The following MINDY4 variants were observed in gnomAD, a reference collection of about 807,000 sequenced individuals.
MINDY4 encodes probable ubiquitin carboxyl-terminal hydrolase MINDY-4.
A neutral mutation model predicts 87.0 loss-of-function variants in MINDY4; 68 were observed. That is an observed-to-expected ratio of 0.78 (90% CI 0.64 to 0.96). The LOEUF (loss-of-function observed/expected upper bound fraction) is 0.96, where lower values mean the gene tolerates loss of function less well. Among genes scored for constraint, MINDY4 ranks in the 40% least tolerant of loss-of-function variants. The pLI, the probability that MINDY4 is intolerant of heterozygous loss-of-function variation, is 0.00. For missense variants in MINDY4, 919 were observed against 928.2 expected (o/e 0.99, Z 0.13); for synonymous variants, 379 against 363.2 (o/e 1.04, Z -0.50).
intron 5 of MINDY4, among the ~76,000 whole-genome samples, chr7:30,803,602 C>A (rs1207067243): frequency 6.6e-6 from 1 of 152,016 alleles, no homozygotes; most frequent in African/African-American, 2.4e-5. Flanking sequence ...TTTTGTGTGG[C>A]AGGGGGCAGT....
intron 13 of MINDY4, among the ~76,000 whole-genome samples, chr7:30,866,709 G>A (rs1457268024): frequency 6.6e-6 from 1 of 152,176 alleles, no homozygotes; most frequent in Non-Finnish European, 1.5e-5. Flanking sequence ...AACAAAGCAG[G>A]CAAAGGCCAC....
intron 5 of MINDY4, among the ~76,000 whole-genome samples, chr7:30,797,719 G>A (rs1787532605): frequency 6.6e-6 from 1 of 152,184 alleles, no homozygotes; most frequent in African/African-American, 2.4e-5. Flanking sequence ...GATCTCACTT[G>A]TGTTTTAATA....
intron 6 of MINDY4, among the ~76,000 whole-genome samples, chr7:30,831,771 A>G (rs1010356483): frequency 3.9e-5 from 6 of 152,198 alleles, no homozygotes; most frequent in African/African-American, 1.4e-4. Flanking sequence ...TCCTATGAAC[A>G]TCATTCCCCT....
In MINDY4 at chr7:30,828,186, T is replaced by C. The variant is rs117989474; in HGVS notation, c.1074-493T>C. 8.8e-3 allele frequency among the ~76,000 whole-genome samples: 1,344 copies of C among 152,292 alleles called. 6 individuals are homozygous for C. Among genetic ancestry groups the C allele is most frequent in the Middle Eastern group, 0.031 (9 of 294 alleles). The stretch of plus-strand genomic sequence containing the variant: ...TACAGGAGGGTTCCTTTAAACACTT[T>C]GGTGCATGTCAGAGGTTTCTTATAG... On this transcript the variant is annotated intron_variant, in intron 5 of 17. Transcript: ENST00000265299.
At chr7:30,814,086 A>T (rs1441456439) in intron 5 of MINDY4, among the ~76,000 whole-genome samples, 4 of 152,252 alleles carry the variant, frequency 2.6e-5, no homozygotes, top group Non-Finnish European at 5.9e-5. Flanking sequence ...GACCAGCGTC[A>T]GGTTCAGAAG....
At chr7:30,864,216 G>A (rs1469463383) in intron 13 of MINDY4, among the ~76,000 whole-genome samples, 1 of 152,254 alleles carries the variant, frequency 6.6e-6, no homozygotes, top group Non-Finnish European at 1.5e-5. Flanking sequence ...GGTGCTGAGG[G>A]TGAGGGATGA....
intron 9 of MINDY4, among the ~76,000 whole-genome samples, chr7:30,847,730 GTTCGTT>G (rs1789266997): frequency 6.7e-6 from 1 of 148,206 alleles, no homozygotes; most frequent in Non-Finnish European, 1.5e-5. Context: ...TTTGTTGTTT[GTTCGTT>G]TTTGTTTTTG....
rs946891237 is a variant in MINDY4 at position 30,869,522 on chromosome 7, C to T, written c.1746-2721C>T. ...AGATCAAGGTGCCAGAGGGTTGGTA[C>T]CTTGTCAGACCTCTCTCCCGGGCTC... On this transcript the variant is annotated intron_variant, in intron 13 of 17. Coordinates refer to ENST00000265299, the MANE Select transcript of MINDY4 (RefSeq NM_032222.3). 4.6e-5 allele frequency among the ~76,000 whole-genome samples: 7 copies of T among 152,052 alleles called. No individual in the cohort carries two copies. The East Asian group carries it at 7.7e-4, about 17-fold the overall frequency.
chr7:30,796,446 G>A (rs770737439), intron 5 of MINDY4, among the ~76,000 whole-genome samples: 2 of 152,120 alleles, frequency 1.3e-5, no homozygotes, highest in Non-Finnish European at 2.9e-5. Context: ...CCAGAATACA[G>A]CCTTGAAGTA....
chr7:30,891,819 G>T (rs1423188276), intron 17 of MINDY4, 138 bp from the exon 18 acceptor site: 36 of 807,594 alleles, frequency 4.5e-5, no homozygotes, highest in East Asian at 2.7e-4. Context: ...ATTTGGAGGG[G>T]TGAGATGAGC....
intron 5 of MINDY4, 27 bp from the exon 6 acceptor site, chr7:30,828,652 G>T (rs1420859702): frequency 1.9e-6 from 3 of 1,610,650 alleles, no homozygotes. Flanking sequence ...AGTCTCCTCT[G>T]GTACATTGAT....
chr7:30,790,229 AT>A (rs1053366763), intron 4 of MINDY4, among the ~76,000 whole-genome samples: 111 of 150,646 alleles, frequency 7.4e-4, no homozygotes, highest in Admixed American at 1.9e-3. Flanking sequence ...GGAATTTATA[AT>A]TTTTTTTTTA....
intron 6 of MINDY4, among the ~76,000 whole-genome samples, chr7:30,831,981 C>T (rs1788717815): frequency 6.7e-6 from 1 of 149,890 alleles, no homozygotes; most frequent in African/African-American, 2.5e-5. Context: ...GCCAACATGT[C>T]GTTCTGGAGT....
chr7:30,872,235 T>C lies in MINDY4; in HGVS notation c.1746-8T>C, dbSNP rs757434900. ...AGCTGTGCTAACAATGCTTCTTGTG[T>C]TTTCCAGCATCCGCCAGGACTTTGA... On this transcript the variant is annotated splice_polypyrimidine_tract_variant and splice_region_variant and intron_variant, in intron 13 of 17. Transcript: ENST00000265299. 12 of 1,613,956 alleles carry C rather than the reference T, an allele frequency of 7.4e-6. No individual in the cohort carries two copies. The highest frequency in any genetic ancestry group is 1.0e-5 in the Non-Finnish European group (12 of 1,179,926).
chr7:30,774,896 G>A (rs1786762164), intron 1 of MINDY4, among the ~76,000 whole-genome samples: 1 of 151,998 alleles, frequency 6.6e-6, no homozygotes, highest in Non-Finnish European at 1.5e-5. Flanking sequence ...ATCTCAGCCA[G>A]TCTTGTGGAT....
At chr7:30,877,983 T>C (rs1200704968) in intron 15 of MINDY4, among the ~76,000 whole-genome samples, 1 of 151,544 alleles carries the variant, frequency 6.6e-6, no homozygotes, top group East Asian at 1.9e-4. Context: ...CCTGGCCCCT[T>C]CCCTCTTCTT....
intron 5 of MINDY4, among the ~76,000 whole-genome samples, chr7:30,817,500 T>C (rs1788189877): frequency 6.6e-6 from 1 of 151,990 alleles, no homozygotes; most frequent in South Asian, 2.1e-4. Context: ...ATGAGAGCTG[T>C]TGAAGTGATG....
At chr7:30,814,357 G>A (rs1435659391) in intron 5 of MINDY4, among the ~76,000 whole-genome samples, 2 of 152,090 alleles carry the variant, frequency 1.3e-5, no homozygotes, top group Non-Finnish European at 2.9e-5. Flanking sequence ...ACCAGTTGAG[G>A]TAGACATAAT....
chr7:30,877,822 CTT>C (rs60164229), intron 15 of MINDY4, among the ~76,000 whole-genome samples: 7 of 47,540 alleles, frequency 1.5e-4, no homozygotes, highest in African/African-American at 4.7e-4. Flanking sequence ...CAGGGACATG[CTT>C]TTTTTTTTTT....
Sources: allele counts gnomAD v4.1 joint callset (sites outside exome capture counted in the v4.1 genomes callset), GRCh38; gene constraint gnomAD v4.1.1; transcripts MANE v1.5; gene names NCBI Gene and HGNC (gene_info 2026-07-23, HGNC 2026-07-21).